SUSD6: variants seen among roughly 807,000 people sequenced by gnomAD.
SUSD6 encodes sushi domain containing 6, also known as sushi domain-containing protein 6.
SUSD6 carries 16 observed loss-of-function variants against 28.4 expected under a neutral mutation model. That is an observed-to-expected ratio of 0.56 (90% CI 0.38 to 0.86). SUSD6 has a LOEUF of 0.86. Ranked by LOEUF, SUSD6 falls within the 40% of genes least tolerant of loss-of-function variation. The pLI is 0.00. For synonymous variants in SUSD6, 147 were observed against 159.6 expected, an observed-to-expected ratio of 0.92 and a Z score of 0.59; for missense variants, 341 against 384.2, an observed-to-expected ratio of 0.89 and a Z score of 0.94.
intron 1 of SUSD6, among the ~76,000 whole-genome samples, chr14:69,642,291 T>C: frequency 6.6e-6 from 1 of 152,218 alleles, no homozygotes; most frequent in Non-Finnish European, 1.5e-5. Context: ...ATAACTAAGC[T>C]GGTCCCACTT....
chr14:69,691,810 CGG>C (rs1184437974), intron 2 of SUSD6, among the ~76,000 whole-genome samples: 1 of 152,088 alleles, frequency 6.6e-6, no homozygotes, highest in East Asian at 1.9e-4. Context: ...GAGGCTGAGG[CGG>C]GTGGATTACC....
At chr14:69,699,287 T>C (rs1452501700) in intron 2 of SUSD6, among the ~76,000 whole-genome samples, 1 of 152,212 alleles carries the variant, frequency 6.6e-6, no homozygotes, top group African/African-American at 2.4e-5. Context: ...CACTGCAACC[T>C]CTGCCTCATG....
chr14:69,648,668 C>T (rs995507916), intron 1 of SUSD6, among the ~76,000 whole-genome samples: 2 of 152,158 alleles, frequency 1.3e-5, no homozygotes, highest in Admixed American at 1.3e-4. Flanking sequence ...AAACGATCCA[C>T]AGAGATGGTA....
chr14:69,658,863 C>A, intron 2 of SUSD6, 150 bp downstream of exon 2: 1 of 1,029,652 alleles, frequency 9.7e-7, no homozygotes, highest in Non-Finnish European at 1.4e-6. Context: ...TAGCAGGGAG[C>A]CAGTCCTTCT....
chr14:69,678,937 T>C (rs1885957956), intron 2 of SUSD6, among the ~76,000 whole-genome samples: 1 of 152,246 alleles, frequency 6.6e-6, no homozygotes, highest in Non-Finnish European at 1.5e-5. Context: ...GAGTTCCGGA[T>C]TGTTGGAAAT....
Position 69,658,668 on chromosome 14 carries a change from C to T in SUSD6, c.76C>T (p.Pro26Ser), listed in dbSNP as rs1309026909. ...VASVGHGVFL[P>S]LVILCTLLGD... is the part of the protein sequence containing the mutation. The stretch of plus-strand genomic sequence containing the variant: ...CTCCGTGGGACATGGAGTGTTCCTT[C>T]CGCTAGTGATCCTTTGCACCCTGCT... Residue 26 changes from proline to serine, a missense_variant, in exon 2 of 6, where the codon CCG (proline) becomes TCG (serine). By Grantham distance (74) the Pro-to-Ser change is moderately conservative (BLOSUM62 -1). Transcript: ENST00000342745. 1 of 1,613,972 alleles carries T rather than the reference C, an allele frequency of 6.2e-7. No homozygotes were observed. The highest frequency in any genetic ancestry group is 2.2e-5 in the East Asian group (1 of 44,888).
intron 1 of SUSD6, among the ~76,000 whole-genome samples, chr14:69,618,853 T>C (rs1884995591): frequency 6.6e-6 from 1 of 152,208 alleles, no homozygotes; most frequent in South Asian, 2.1e-4. Context: ...TAGTTGAAGA[T>C]CCAGATGCTT....
At chr14:69,677,250 A>C (rs146606905) in intron 2 of SUSD6, among the ~76,000 whole-genome samples, 1 of 152,244 alleles carries the variant, frequency 6.6e-6, no homozygotes, top group Non-Finnish European at 1.5e-5. Context: ...AGAGTTACTC[A>C]TGTTACTCTG....
intron 1 of SUSD6, among the ~76,000 whole-genome samples, chr14:69,654,567 T>C (rs528237761): frequency 4.6e-5 from 7 of 152,264 alleles, no homozygotes; most frequent in African/African-American, 1.7e-4. Flanking sequence ...TTTGTTTTAA[T>C]GGCAGTTTGT....
intron 2 of SUSD6, among the ~76,000 whole-genome samples, chr14:69,687,640 A>G (rs1886092699): frequency 6.6e-6 from 1 of 152,258 alleles, no homozygotes; most frequent in African/African-American, 2.4e-5. Context: ...AGTTTTTAAG[A>G]AAAACTAACC....
At chr14:69,676,073 G>C (rs765924956) in intron 2 of SUSD6, among the ~76,000 whole-genome samples, 3 of 152,182 alleles carry the variant, frequency 2.0e-5, no homozygotes, top group Non-Finnish European at 4.4e-5. Context: ...AGTCTAATGG[G>C]GGGAAAAGAT....
At position 69,712,560 on chromosome 14, in the gene SUSD6, G is replaced by C. The variant is rs909189952; in HGVS notation, c.*1581G>C. 5 of 152,162 alleles carry C rather than the reference G, an allele frequency of 3.3e-5. No homozygotes were observed. The highest frequency in any genetic ancestry group is 7.3e-5 in the Non-Finnish European group (5 of 68,048). The allele number at this position is 152,162 out of a possible 1,614,324, so 9.4% of individuals were successfully genotyped here. On this transcript the variant is annotated 3_prime_UTR_variant, in exon 6 of 6. Coordinates refer to ENST00000342745, the MANE Select transcript of SUSD6 (RefSeq NM_014734.4). ...CTCCTCCCCTGAGCCTGTCTGCTTG[G>C]GGGTGGTAAAAATAAAAATCCCAGT...
chr14:69,715,056 A>G lies in SUSD6; in HGVS notation c.*4077A>G, dbSNP rs1350393353. On this transcript the variant is annotated 3_prime_UTR_variant, in exon 6 of 6. Transcript: ENST00000342745. The stretch of plus-strand genomic sequence containing the variant: ...CAGTGGGTGTGAAGATAGTATTTTA[A>G]TATTTGTACAAAGTTTAATTTAATT... 6.6e-6 allele frequency: 1 copy of G among 152,116 alleles called. No homozygotes were observed. Among genetic ancestry groups the G allele is most frequent in the East Asian group, 1.9e-4 (1 of 5,200 alleles). The allele number at this position is 152,116 out of a possible 1,614,324, so 9.4% of individuals were successfully genotyped here. A position where few individuals can be genotyped will look rare whatever the true frequency, so the allele number is the denominator to read the frequency against.
In SUSD6 at chr14:69,700,381, A is replaced by G. The variant is rs1481685859; in HGVS notation, c.122-3014A>G. Among the ~76,000 whole-genome samples the G allele has an allele frequency of 3.3e-5, 5 of 152,116 alleles. 1 individual carries two copies. In the South Asian group the frequency reaches 1.0e-3, roughly 32 times the overall value. ...TAGTCCATCTTATATCAAATTATAAATTTGCTTTTCTTATAATGCTACCCT... is the reference window on the plus strand; with the variant it reads ...TAGTCCATCTTATATCAAATTATAAGTTTGCTTTTCTTATAATGCTACCCT... On this transcript the variant is annotated intron_variant, in intron 2 of 5. Transcript: ENST00000342745.
intron 1 of SUSD6, among the ~76,000 whole-genome samples, chr14:69,612,831 G>A (rs1335174297): frequency 6.6e-6 from 1 of 152,034 alleles, no homozygotes; most frequent in Non-Finnish European, 1.5e-5. Flanking sequence ...TCCCTTTTTT[G>A]ATCTACAGAG....
chr14:69,670,539 G>A, intron 2 of SUSD6: 1 of 456,606 alleles, frequency 2.2e-6, no homozygotes, highest in Non-Finnish European at 4.4e-6. Flanking sequence ...GGGAGACAAG[G>A]TGGCATAGTC....
chr14:69,615,923 C>G (rs1328065134), intron 1 of SUSD6, among the ~76,000 whole-genome samples: 1 of 152,198 alleles, frequency 6.6e-6, no homozygotes, highest in South Asian at 2.1e-4. Context: ...AGATGTAGTT[C>G]CCTGTTACTG....
rs1377237105 is a variant in SUSD6 at position 69,713,625 on chromosome 14, A to C, written c.*2646A>C. On this transcript the variant is annotated 3_prime_UTR_variant, in exon 6 of 6. Transcript: ENST00000342745. ...TTGAGGTAGGGCCTGGCTGAGAGAC[A>C]AGGGTAGCAGCAGGTGGCAGGCTGT... 6.6e-6 allele frequency: 1 copy of C among 152,256 alleles called. No individual in the cohort carries two copies. Among genetic ancestry groups the C allele is most frequent in the African/African-American group, 2.4e-5 (1 of 41,434 alleles). 9.4% of individuals were successfully genotyped at this position (152,256 alleles called of 1,614,324 possible).
intron 1 of SUSD6, among the ~76,000 whole-genome samples, chr14:69,639,630 T>G (rs1305501284): frequency 6.6e-6 from 1 of 152,200 alleles, no homozygotes; most frequent in Non-Finnish European, 1.5e-5. Flanking sequence ...TTGCACCACA[T>G]GTACAACTAA....
Sources: gnomAD v4.1 joint callset for allele counts (sites outside exome capture counted in the v4.1 genomes callset) on GRCh38, gnomAD v4.1.1 for gene constraint, MANE v1.5 for transcripts, NCBI Gene and HGNC (gene_info 2026-07-23, HGNC 2026-07-21) for gene names.